The following GASK1B variants were observed in gnomAD, a reference collection of about 807,000 sequenced individuals.
GASK1B encodes Golgi-associated kinase 1B.
In GASK1B, 34 loss-of-function variants were observed where a neutral mutation model predicts 42.8. That is an observed-to-expected ratio of 0.79 (90% CI 0.60 to 1.06). GASK1B has a LOEUF of 1.06. GASK1B is among the 50% of genes least tolerant of loss of function. The pLI is 0.00. For synonymous variants in GASK1B, 262 were observed against 259.1 expected, an observed-to-expected ratio of 1.01 and a Z score of -0.11; for missense variants, 686 against 661.0, an observed-to-expected ratio of 1.04 and a Z score of -0.42.
chr4:158,151,999 G>A (rs1233741690), intron 3 of GASK1B, among the ~76,000 whole-genome samples: 1 of 152,192 alleles, frequency 6.6e-6, no homozygotes, highest in Non-Finnish European at 1.5e-5. Context: ...CAAAAAAGGT[G>A]GAAGGAGCTG....
chr4:158,134,311 A>G (rs1730798965), intron 3 of GASK1B, among the ~76,000 whole-genome samples: 1 of 152,218 alleles, frequency 6.6e-6, no homozygotes, highest in Non-Finnish European at 1.5e-5. Flanking sequence ...AATCCATAAT[A>G]TGGTTTTAAT....
chr4:158,125,423 G>A lies in GASK1B; in HGVS notation c.*1984C>T, dbSNP rs1378201252. On this transcript the variant is annotated 3_prime_UTR_variant, in exon 5 of 5. Coordinates refer to ENST00000585682, the MANE Select transcript of GASK1B (RefSeq NM_001128424.2). ...ATAAAGATGGTAAAAAAAAAAAAAT[G>A]TTTTAAGCAGTAAAAATGCAAATAT... 6.6e-6 allele frequency: 1 copy of A among 151,224 alleles called. No individual in the cohort carries two copies. Among genetic ancestry groups the A allele is most frequent in the African/African-American group, 2.4e-5 (1 of 41,218 alleles). 9.4% of individuals were successfully genotyped at this position (151,224 alleles called of 1,614,324 possible).
chr4:158,151,325 T>TA (rs1183051448), intron 3 of GASK1B, among the ~76,000 whole-genome samples: 5 of 152,176 alleles, frequency 3.3e-5, no homozygotes, highest in Admixed American at 3.3e-4. Context: ...GAAAATAAGT[T>TA]ACATGGCCAA....
intron 2 of GASK1B, among the ~76,000 whole-genome samples, chr4:158,162,296 A>G (rs1042663574): frequency 5.3e-5 from 8 of 152,150 alleles, no homozygotes; most frequent in South Asian, 2.1e-4. Flanking sequence ...GGTTTGCTTC[A>G]CTGTCTCCTG....
intron 3 of GASK1B, among the ~76,000 whole-genome samples, chr4:158,145,692 C>A (rs989467450): frequency 6.6e-6 from 1 of 152,138 alleles, no homozygotes; most frequent in Middle Eastern, 3.2e-3. Flanking sequence ...CTGTGATTAT[C>A]TGTCCCTTGT....
intron 4 of GASK1B, 107 bp downstream of exon 4, chr4:158,130,676 AATT>A (rs1730640406): frequency 2.3e-6 from 2 of 855,070 alleles, no homozygotes; most frequent in African/African-American, 3.4e-5. Context: ...CCACATTCAC[AATT>A]ATTTTCAAGG....
At chr4:158,172,080 A>G (rs1732570111) in intron 1 of GASK1B, among the ~76,000 whole-genome samples, 1 of 152,232 alleles carries the variant, frequency 6.6e-6, no homozygotes, top group African/African-American at 2.4e-5. Flanking sequence ...AATATGTTCC[A>G]TTAGCTTACA....
intron 2 of GASK1B, among the ~76,000 whole-genome samples, chr4:158,160,126 A>G (rs1731914590): frequency 1.3e-5 from 2 of 152,190 alleles, no homozygotes; most frequent in Non-Finnish European, 2.9e-5. Flanking sequence ...AAACAACTCT[A>G]TAATACCCAT....
Position 158,170,689 on chromosome 4 carries a change from G to A in GASK1B, c.687C>T (p.Asp229=). ...DDIRRMRLLA[D]SAVAGLRPVS... ...CAGGCCGGAGCCCTGCCACTGCGCT[G>A]TCCGCCAAGAGTCGCATTCTTCGGA... is the stretch of plus-strand genomic sequence containing the variant. Residue 229 remains aspartate (D), a synonymous_variant, in exon 2 of 5, where the codon GAC becomes GAT. Transcript: ENST00000585682. 1 of 1,614,170 alleles carries A rather than the reference G, an allele frequency of 6.2e-7. No individual in the cohort carries two copies. The highest frequency in any genetic ancestry group is 8.5e-7 in the Non-Finnish European group (1 of 1,180,050).
At chr4:158,163,848 T>C (rs1383075258) in intron 2 of GASK1B, among the ~76,000 whole-genome samples, 1 of 152,188 alleles carries the variant, frequency 6.6e-6, no homozygotes, top group Non-Finnish European at 1.5e-5. Context: ...AATTACAAAC[T>C]GTACCACTTT....
chr4:158,144,984 G>A (rs1731275166), intron 3 of GASK1B, among the ~76,000 whole-genome samples: 1 of 152,170 alleles, frequency 6.6e-6, no homozygotes, highest in African/African-American at 2.4e-5. Flanking sequence ...CTGACTGTGA[G>A]TGTGTTTCCT....
At position 158,170,886 on chromosome 4, in the gene GASK1B, G is replaced by A; in HGVS notation, c.490C>T (p.Pro164Ser). The change falls in exon 2 of 5, where the codon CCT (proline) becomes TCT (serine). Residue 164 changes from proline (P) to serine (S), a missense_variant. Transcript: ENST00000585682. Reference protein sequence around the residue: ...EAAREADAVAPGYAQGANLVK... With the variant: ...EAAREADAVASGYAQGANLVK... ...AGGTTTGCTCCCTGAGCGTACCCAG[G>A]TGCTACAGCATCAGCTTCCCTTGCC... 1.2e-6 allele frequency: 2 copies of A among 1,614,218 alleles called. No individual in the cohort carries two copies. The highest frequency in any genetic ancestry group is 1.7e-6 in the Non-Finnish European group (2 of 1,180,046).
At chr4:158,127,649 T>C (rs1431132502) in intron 4 of GASK1B, 35 bp from the exon 5 acceptor site, 8 of 1,578,630 alleles carry the variant, frequency 5.1e-6, no homozygotes, top group Non-Finnish European at 6.9e-6. Flanking sequence ...ATCTTAGTAA[T>C]TGCTTGGGAA....
intron 2 of GASK1B, among the ~76,000 whole-genome samples, chr4:158,161,630 C>T (rs995318756): frequency 6.6e-6 from 1 of 152,196 alleles, no homozygotes; most frequent in Non-Finnish European, 1.5e-5. Context: ...TAAATGGAAA[C>T]TCCAAGACTC....
intron 3 of GASK1B, among the ~76,000 whole-genome samples, chr4:158,135,246 G>A (rs1020768630): frequency 1.1e-4 from 16 of 149,910 alleles, no homozygotes; most frequent in African/African-American, 3.9e-4. Context: ...ACTTGAACCC[G>A]GGAAGTGGAG....
chr4:158,165,816 T>C (rs955062565), intron 2 of GASK1B, among the ~76,000 whole-genome samples: 1 of 152,130 alleles, frequency 6.6e-6, no homozygotes, highest in Non-Finnish European at 1.5e-5. Context: ...GTAGGGCACA[T>C]TTTATAAGCT....
chr4:158,171,501 A>G lies in GASK1B; in HGVS notation c.-126T>C. On this transcript the variant is annotated 5_prime_UTR_variant, in exon 2 of 5. Coordinates refer to ENST00000585682, the MANE Select transcript of GASK1B (RefSeq NM_001128424.2). Reference sequence around the variant, plus strand: ...GGGATATAAGTGGTCTCCAGTGGGCAGAGGTGGAAGGAAAGGGTTGGTGAT... The same window carrying G: ...GGGATATAAGTGGTCTCCAGTGGGCGGAGGTGGAAGGAAAGGGTTGGTGAT... 2 of 998,254 alleles carry G rather than the reference A, an allele frequency of 2.0e-6. No homozygotes were observed. The highest frequency in any genetic ancestry group is 2.8e-6 in the Non-Finnish European group (2 of 715,122). The allele number at this position is 998,254 out of a possible 1,614,324, so 61.8% of individuals were successfully genotyped here.
Position 158,170,612 on chromosome 4 carries a change from C to T in GASK1B, c.764G>A (p.Gly255Asp). The change falls in exon 2 of 5, where the codon GGC (glycine) becomes GAC (aspartate). Residue 255 changes from glycine (G) to aspartate (D), a missense_variant. Gly to Asp is a moderately conservative substitution (Grantham distance 94). Coordinates refer to ENST00000585682, the MANE Select transcript of GASK1B (RefSeq NM_001128424.2). ...GCTAGGGCCACAGCGGAGCACAGCG[C>T]CAGGTGCGCCCCCCTCCAGCACCAG... ...RLLVLEGGAP[G>D]AVLRCGPSPC... is the part of the protein sequence containing the mutation. The T allele has an allele frequency of 1.9e-6, 3 of 1,613,788 alleles. No homozygotes were observed. Among genetic ancestry groups the T allele is most frequent in the South Asian group, 1.1e-5 (1 of 91,088 alleles).
chr4:158,127,301 C>T lies in GASK1B; in HGVS notation c.*106G>A. On this transcript the variant is annotated 3_prime_UTR_variant, in exon 5 of 5. Coordinates refer to ENST00000585682, the MANE Select transcript of GASK1B (RefSeq NM_001128424.2). ...AAAGTCATTTATTTTACGTATTCAT[C>T]TACACTGCCTCATTGCTAAACGGGC... 1 of 886,108 alleles carries T rather than the reference C, an allele frequency of 1.1e-6. No homozygotes were observed. Among genetic ancestry groups the T allele is most frequent in the Non-Finnish European group, 1.8e-6 (1 of 560,734 alleles). The allele number at this position is 886,108 out of a possible 1,614,324, so 54.9% of individuals were successfully genotyped here.
Sources: allele counts gnomAD v4.1 joint callset (sites outside exome capture counted in the v4.1 genomes callset), GRCh38; gene constraint gnomAD v4.1.1; transcripts MANE v1.5; gene names NCBI Gene and HGNC (gene_info 2026-07-23, HGNC 2026-07-21).